Variants in SBNO1 observed in about 807,000 individuals in gnomAD.
SBNO1 encodes strawberry notch homolog 1.
Under a neutral mutation model 173.6 loss-of-function variants are expected in SBNO1, and 23 were observed. That is an observed-to-expected ratio of 0.13 (90% CI 0.10 to 0.19). SBNO1 has a LOEUF of 0.19. Among genes scored for constraint, SBNO1 ranks in the 10% least tolerant of loss-of-function variants. The pLI, the probability that SBNO1 is intolerant of heterozygous loss-of-function variation, is 1.00. For missense variants in SBNO1, 1,238 were observed against 1,671.2 expected, an observed-to-expected ratio of 0.74 and a Z score of 4.52; for synonymous variants, 632 against 571.5, an observed-to-expected ratio of 1.11 and a Z score of -1.51.
At position 123,295,395 on chromosome 12, in the gene SBNO1, C is replaced by T. The variant is rs1391339251; in HGVS notation, c.*513G>A. ...AATAACCTGAATGCATGATATGCAA[C>T]CTTTCATTTCATGCTTTAATAAACC... On this transcript the variant is annotated 3_prime_UTR_variant, in exon 32 of 32. Coordinates refer to ENST00000602398, the MANE Select transcript of SBNO1 (RefSeq NM_001167856.3). The T allele has an allele frequency of 6.6e-6, 1 of 152,238 alleles. No individual in the cohort carries two copies. Among genetic ancestry groups the T allele is most frequent in the East Asian group, 1.9e-4 (1 of 5,206 alleles). 9.4% of individuals were successfully genotyped at this position (152,238 alleles called of 1,614,324 possible).
chr12:123,299,097 G>A (rs999657278), intron 30 of SBNO1, among the ~76,000 whole-genome samples: 7 of 152,188 alleles, frequency 4.6e-5, no homozygotes, highest in East Asian at 1.9e-4. Flanking sequence ...GGCTGGGTGC[G>A]GTGGCTCACG....
intron 10 of SBNO1, 46 bp from the exon 11 acceptor site, chr12:123,328,073 G>A: frequency 6.9e-7 from 1 of 1,449,992 alleles, no homozygotes; most frequent in African/African-American, 1.4e-5. Flanking sequence ...TATTAAGTAA[G>A]AATCTCCAGT....
chr12:123,298,712 T>G (rs1375420594), intron 30 of SBNO1, among the ~76,000 whole-genome samples: 4 of 152,160 alleles, frequency 2.6e-5, no homozygotes, highest in Admixed American at 1.3e-4. Flanking sequence ...ATAAAAAGGG[T>G]TGAATTTATT....
intron 5 of SBNO1, among the ~76,000 whole-genome samples, chr12:123,338,724 T>TGTG (rs1186881248): frequency 5.3e-5 from 8 of 151,514 alleles, no homozygotes; most frequent in Non-Finnish European, 1.0e-4. Flanking sequence ...ATTATCTGGG[T>TGTG]GTGGTGGTGG....
chr12:123,328,903 A>AG lies in SBNO1; in HGVS notation c.1135-9dup, dbSNP rs780811593. ...AATTTTTCCGTATTTAAACTAAAAA[A>AG]GAAAAGAAAAGAATTTAGTTAATTA... On this transcript the variant is annotated splice_polypyrimidine_tract_variant and intron_variant, in intron 9 of 31. Coordinates refer to ENST00000602398, the MANE Select transcript of SBNO1 (RefSeq NM_001167856.3). 5.5e-6 allele frequency: 8 copies of AG among 1,463,604 alleles called. No individual in the cohort carries two copies. The highest frequency in any genetic ancestry group is 1.8e-4 in the Middle Eastern group (1 of 5,564). The allele number at this position is 1,463,604 out of a possible 1,614,324, so 90.7% of individuals were successfully genotyped here. A position where few individuals can be genotyped will look rare whatever the true frequency, so the allele number is the denominator to read the frequency against.
At chr12:123,307,835 G>A (rs2048957120) in intron 28 of SBNO1, among the ~76,000 whole-genome samples, 1 of 152,204 alleles carries the variant, frequency 6.6e-6, no homozygotes, top group South Asian at 2.1e-4. Flanking sequence ...ACTTTGGGAG[G>A]CCAAGGCAGG....
chr12:123,363,876 A>C (rs1011750534), intron 1 of SBNO1: 1 of 985,520 alleles, frequency 1.0e-6, no homozygotes, highest in African/African-American at 1.7e-5. Context: ...GTCAGGAAAG[A>C]AACAATCAGA....
At chr12:123,362,062 C>G (rs1401418894) in intron 1 of SBNO1, among the ~76,000 whole-genome samples, 2 of 151,716 alleles carry the variant, frequency 1.3e-5, no homozygotes, top group Non-Finnish European at 2.9e-5. Flanking sequence ...CCGTTTTAAC[C>G]CAGGAGGCAG....
chr12:123,350,352 A>G lies in SBNO1; in HGVS notation c.90T>C (p.Asp30=), dbSNP rs1873735292. Residue 30 remains aspartate, a synonymous_variant, in exon 2 of 32, where the codon GAT becomes GAC. Transcript: ENST00000602398. ...TAGGCATTGGAGTTGCAAGCCCTGC[A>G]TCTCCACCATCAATATCAAAGAGGT... ...PNDLFDIDGG[D]AGLATPMPTP... is the part of the protein sequence containing the mutation. 1.9e-6 allele frequency: 3 copies of G among 1,614,128 alleles called. No homozygotes were observed. The highest frequency in any genetic ancestry group is 2.5e-6 in the Non-Finnish European group (3 of 1,179,960).
intron 7 of SBNO1, among the ~76,000 whole-genome samples, chr12:123,333,645 T>C (rs933262284): frequency 6.6e-6 from 1 of 151,864 alleles, no homozygotes; most frequent in African/African-American, 2.4e-5. Flanking sequence ...TACAGGTGCG[T>C]GCCACTACAC....
In SBNO1 at chr12:123,320,584, T is replaced by A. The variant is rs747837610; in HGVS notation, c.2515A>T (p.Ser839Cys). Residue 839 changes from serine to cysteine, a missense_variant, in exon 19 of 32, where the codon AGT becomes TGT. This residue lies in a region of SBNO1 where 74 missense variants were observed against 68.5 expected (regional missense o/e 1.08). Transcript: ENST00000602398. Reference protein sequence around the residue: ...TPANSNTNSNSSLITSQDAVE... With the variant: ...TPANSNTNSNCSLITSQDAVE... ...GCATCCTGACTTGTTATAAGGCTACTGTTACTGTTGGTGTTACTGTTAGCT... is the reference window on the plus strand; with the variant it reads ...GCATCCTGACTTGTTATAAGGCTACAGTTACTGTTGGTGTTACTGTTAGCT... The A allele has an allele frequency of 2.5e-6, 4 of 1,613,622 alleles. No homozygotes were observed. In the South Asian group the frequency reaches 4.4e-5, roughly 18 times the overall value.
chr12:123,334,913 G>T (rs1372606876), intron 6 of SBNO1, among the ~76,000 whole-genome samples: 1 of 152,194 alleles, frequency 6.6e-6, no homozygotes, highest in Non-Finnish European at 1.5e-5. Flanking sequence ...TTGAGGCTAG[G>T]CATGAAGGTT....
intron 7 of SBNO1, 53 bp from the exon 8 acceptor site, chr12:123,331,428 C>T: frequency 6.4e-7 from 1 of 1,567,664 alleles, no homozygotes; most frequent in South Asian, 1.1e-5. Context: ...TTTTGGTGAT[C>T]AATCTTTCAT....
At position 123,340,680 on chromosome 12, in the gene SBNO1, T is replaced by TGAAC. The variant is rs1383819032; in HGVS notation, c.651+304_651+307dup. Among the ~76,000 whole-genome samples, 80 of 151,202 alleles carry TGAAC rather than the reference T, an allele frequency of 5.3e-4. 1 individual carries two copies. The highest frequency in any genetic ancestry group is 7.4e-5 in the Non-Finnish European group (5 of 67,914). On this transcript the variant is annotated intron_variant, in intron 5 of 31. Coordinates refer to ENST00000602398, the MANE Select transcript of SBNO1 (RefSeq NM_001167856.3). ...TTTCTATTCAAGTTCGGTCCTAAAATGAACACAGTTATCAAATACTTTTCG... is the reference window on the plus strand; with the variant it reads ...TTTCTATTCAAGTTCGGTCCTAAAATGAACGAACACAGTTATCAAATACTTTTCG...
At chr12:123,307,918 GA>G in intron 28 of SBNO1, among the ~76,000 whole-genome samples, 1 of 152,026 alleles carries the variant, frequency 6.6e-6, no homozygotes, top group African/African-American at 2.4e-5. Context: ...CTAAAAATAA[GA>G]AATTTAGCCA....
rs2138844125 is a variant in SBNO1 at position 123,289,346 on chromosome 12, T to C, written c.*6562A>G. 1 of 152,352 alleles carries C rather than the reference T, an allele frequency of 6.6e-6. No homozygotes were observed. The highest frequency in any genetic ancestry group is 6.5e-5 in the Admixed American group (1 of 15,298). 9.4% of individuals were successfully genotyped at this position (152,352 alleles called of 1,614,324 possible). On this transcript the variant is annotated 3_prime_UTR_variant, in exon 32 of 32. Transcript: ENST00000602398. The stretch of plus-strand genomic sequence containing the variant: ...AATCAATTCCGGACGCTTGGTACCG[T>C]GCTCCCACGAAAGGCTGGATGCAGC...
intron 25 of SBNO1, among the ~76,000 whole-genome samples, chr12:123,310,696 G>A (rs1267286571): frequency 6.6e-6 from 1 of 151,750 alleles, no homozygotes; most frequent in Non-Finnish European, 1.5e-5. Flanking sequence ...CACCAGGCCC[G>A]GCTAATTTTT....
chr12:123,316,478 C>T (rs1406294145), intron 21 of SBNO1, among the ~76,000 whole-genome samples: 6 of 152,150 alleles, frequency 3.9e-5, no homozygotes, highest in Non-Finnish European at 8.8e-5. Flanking sequence ...CCCACCTCAG[C>T]CTGCCAAAGT....
intron 1 of SBNO1, among the ~76,000 whole-genome samples, chr12:123,354,842 G>A (rs879686767): frequency 3.4e-5 from 5 of 147,566 alleles, no homozygotes; most frequent in Non-Finnish European, 6.0e-5. Context: ...TACTAACCAC[G>A]GAAGGTCTCT....
Sources: allele counts gnomAD v4.1 joint callset (sites outside exome capture counted in the v4.1 genomes callset), GRCh38; gene constraint gnomAD v4.1.1; regional missense constraint gnomAD v4.1.1; transcripts MANE v1.5; gene names NCBI Gene and HGNC (gene_info 2026-07-23, HGNC 2026-07-21).